LRRK1: variants seen among roughly 807,000 people sequenced by gnomAD.
LRRK1 encodes leucine rich repeat kinase 1, also known as leucine-rich repeat serine/threonine-protein kinase 1.
In LRRK1, 113 loss-of-function variants were observed where a neutral mutation model predicts 209.1. The observed-to-expected ratio is 0.54, with a 90% CI of 0.46 to 0.63. LRRK1 has a LOEUF of 0.63. LRRK1 is among the 30% of genes least tolerant of loss of function. The probability of loss-of-function intolerance (pLI) is 0.00; values close to 1 mark genes in which losing one functional copy is unlikely to be tolerated. For missense variants in LRRK1, 2,284 were observed against 2,632.2 expected (o/e 0.87, Z 2.89); for synonymous variants, 1,144 against 1,099.7 (o/e 1.04, Z -0.80).
In LRRK1 at chr15:101,076,532, A is replaced by C. The variant is rs148589254; in HGVS notation, c.*7684A>C. ...TGATCACACTTGGTTTATGGATGGCAGTTCCACCAGGCCTAATGGCCACAC... is the reference window on the plus strand; with the variant it reads ...TGATCACACTTGGTTTATGGATGGCCGTTCCACCAGGCCTAATGGCCACAC... On this transcript the variant is annotated 3_prime_UTR_variant, in exon 34 of 34. Transcript: ENST00000388948. 1 of 152,226 alleles carries C rather than the reference A, an allele frequency of 6.6e-6. No individual in the cohort carries two copies. The highest frequency in any genetic ancestry group is 1.5e-5 in the Non-Finnish European group (1 of 68,158). The allele number at this position is 152,226 out of a possible 1,614,324, so 9.4% of individuals were successfully genotyped here.
intron 4 of LRRK1, among the ~76,000 whole-genome samples, chr15:100,988,242 A>G (rs2031974342): frequency 1.3e-5 from 2 of 151,870 alleles, no homozygotes; most frequent in Non-Finnish European, 1.5e-5. Flanking sequence ...TTATTTCGTC[A>G]CCTGGGTAAT....
In LRRK1 at chr15:101,070,295, G is replaced by T; in HGVS notation, c.*1447G>T. The T allele has an allele frequency of 6.8e-6, 1 of 147,474 alleles. No individual in the cohort carries two copies. The allele number at this position is 147,474 out of a possible 1,614,324, so 9.1% of individuals were successfully genotyped here. A position where few individuals can be genotyped will look rare whatever the true frequency, so the allele number is the denominator to read the frequency against. ...TGTCAGTCACAGGCTTGGAAAAAGC[G>T]AGTCCCCCCACTCTTTTTTTTTTTT... On this transcript the variant is annotated 3_prime_UTR_variant, in exon 34 of 34. Transcript: ENST00000388948.
At chr15:101,055,951 TG>T (rs1349455800) in intron 27 of LRRK1, among the ~76,000 whole-genome samples, 1 of 152,242 alleles carries the variant, frequency 6.6e-6, no homozygotes, top group African/African-American at 2.4e-5. Context: ...CCTGTAGGAA[TG>T]ACCTGTGCAT....
chr15:100,924,810 C>G, intron 2 of LRRK1, 81 bp downstream of exon 2: 1 of 1,001,718 alleles, frequency 1.0e-6, no homozygotes, highest in Non-Finnish European at 1.6e-6. Flanking sequence ...TATGTAAGAA[C>G]AAGGAGTTCT....
chr15:101,063,172 T>A (rs1259128473), intron 31 of LRRK1, among the ~76,000 whole-genome samples: 1 of 152,200 alleles, frequency 6.6e-6, no homozygotes, highest in Non-Finnish European at 1.5e-5. Flanking sequence ...AGCATAGCCC[T>A]GCAGACTCAG....
In LRRK1 at chr15:100,936,338, T is replaced by A. The variant is rs185410683; in HGVS notation, c.97+11609T>A. Among the ~76,000 whole-genome samples the A allele has an allele frequency of 2.2e-4, 34 of 152,256 alleles. No individual in the cohort carries two copies. In the East Asian group the frequency reaches 6.0e-3, roughly 27 times the overall value. On this transcript the variant is annotated intron_variant, in intron 2 of 33. Transcript: ENST00000388948. ...TTAGTCTGAACCCTTTATGGCTGTA[T>A]GTGTGTGTGTGTCTGTAAATACATG...
chr15:101,014,171 C>T, intron 10 of LRRK1, 145 bp from the exon 11 acceptor site: 1 of 644,236 alleles, frequency 1.6e-6, no homozygotes, highest in South Asian at 2.0e-5. Context: ...GCTGCTGGGC[C>T]CCACACAGCT....
chr15:101,062,506 G>A, intron 30 of LRRK1, 68 bp from the exon 31 acceptor site: 7 of 1,110,114 alleles, frequency 6.3e-6, no homozygotes, highest in Middle Eastern at 2.0e-4. Context: ...CATCCTCATG[G>A]GAATGGCTTG....
chr15:100,938,921 A>G (rs1334869779), intron 2 of LRRK1, among the ~76,000 whole-genome samples: 4 of 151,594 alleles, frequency 2.6e-5, no homozygotes, highest in African/African-American at 4.8e-5. Context: ...GAGAAACCCC[A>G]TCTCTACTAA....
At chr15:101,029,349 G>A (rs2034182682) in intron 20 of LRRK1, 117 bp downstream of exon 20, 2 of 1,073,098 alleles carry the variant, frequency 1.9e-6, no homozygotes, top group African/African-American at 1.6e-5. Flanking sequence ...TGCCACTGCT[G>A]CCCCCTACGG....
intron 2 of LRRK1, among the ~76,000 whole-genome samples, chr15:100,970,638 A>C (rs2030803527): frequency 6.6e-6 from 1 of 152,206 alleles, no homozygotes. Flanking sequence ...CTTCTTTTTC[A>C]AGATTGCTTT....
intron 2 of LRRK1, among the ~76,000 whole-genome samples, chr15:100,961,599 G>A (rs1351248817): frequency 3.3e-5 from 5 of 150,400 alleles, no homozygotes; most frequent in Non-Finnish European, 2.9e-5. Flanking sequence ...GTTGCAGTTA[G>A]CCGAGATCGC....
chr15:100,957,627 G>C (rs933394507), intron 2 of LRRK1, among the ~76,000 whole-genome samples: 2 of 152,030 alleles, frequency 1.3e-5, no homozygotes, highest in African/African-American at 2.4e-5. Context: ...TAGCTCTTTT[G>C]GTTTCATTTG....
At chr15:101,002,456 GA>G (rs2032738980) in intron 6 of LRRK1, among the ~76,000 whole-genome samples, 5 of 152,240 alleles carry the variant, frequency 3.3e-5, no homozygotes, top group Admixed American at 2.6e-4. Flanking sequence ...GCTCATGCTT[GA>G]AAAACCAACA....
In LRRK1 at chr15:100,988,783, C is replaced by T. The variant is rs201889926; in HGVS notation, c.583C>T (p.Arg195Cys). Residue 195 changes from arginine (R) to cysteine (C), a missense_variant, in exon 5 of 34, where the codon CGC (arginine) becomes TGC (cysteine). Transcript: ENST00000388948. The part of the protein sequence containing the change: ...VRKNEFPVIV[R>C]LPLYAAIKSG... The stretch of plus-strand genomic sequence containing the variant: ...GAAGAATGAGTTCCCTGTCATCGTG[C>T]GCTTGCCCCTGTATGCGGCCATCAA... The T allele has an allele frequency of 4.2e-5, 67 of 1,609,518 alleles. No individual in the cohort carries two copies. Among genetic ancestry groups the T allele is most frequent in the Middle Eastern group, 1.7e-4 (1 of 6,046 alleles).
intron 29 of LRRK1, among the ~76,000 whole-genome samples, chr15:101,059,063 G>A (rs2035997796): frequency 6.6e-6 from 1 of 152,156 alleles, no homozygotes; most frequent in African/African-American, 2.4e-5. Flanking sequence ...TGAGGGTTGT[G>A]ACACAGACGT....
In LRRK1 at chr15:101,068,672, G is replaced by A. The variant is rs773797200; in HGVS notation, c.5872G>A (p.Val1958Met). Residue 1958 changes from valine (V) to methionine (M), a missense_variant and splice_region_variant, in exon 34 of 34, where the codon GTG becomes ATG. Physicochemically the swap from Val to Met is conservative, Grantham distance 21 (BLOSUM62 1). Coordinates refer to ENST00000388948, the MANE Select transcript of LRRK1 (RefSeq NM_024652.6). ...CCTCAGACCCCCTTCTCTCTGCAGG[G>A]TGCTGGTGGATGCTGCCGTGGTGGC... ...LKARELTPHG[V>M]LVDAAVVAKD... 1 of 1,593,166 alleles carries A rather than the reference G, an allele frequency of 6.3e-7. No individual in the cohort carries two copies. Among genetic ancestry groups the A allele is most frequent in the Non-Finnish European group, 8.6e-7 (1 of 1,167,610 alleles).
At chr15:100,968,719 CTCCCT>C (rs796831694) in intron 2 of LRRK1, among the ~76,000 whole-genome samples, 32 of 16,144 alleles carry the variant, frequency 2.0e-3, no homozygotes, top group African/African-American at 3.6e-3. Context: ...TCCTTCCTTC[CTCCCT>C]TCCCTTCCCT....
Position 101,024,664 on chromosome 15 carries a change from T to C in LRRK1, c.2068-139T>C. On this transcript the variant is annotated intron_variant, in intron 15 of 33. Coordinates refer to ENST00000388948, the MANE Select transcript of LRRK1 (RefSeq NM_024652.6). This position sits in a 1 kb window ranked among gnomAD's most constrained non-coding sequence, Gnocchi z 4.6. ...CAGATAACTGTTTCCTAAGAAACAA[T>C]AGAGTGTCCAGAACTTTTCCACGGT... The C allele has an allele frequency of 2.2e-6, 2 of 896,314 alleles. No individual in the cohort carries two copies. Among genetic ancestry groups the C allele is most frequent in the Non-Finnish European group, 1.7e-6 (1 of 584,576 alleles). 55.5% of individuals were successfully genotyped at this position (896,314 alleles called of 1,614,324 possible). A position where few individuals can be genotyped will look rare whatever the true frequency, so the allele number is the denominator to read the frequency against.
Sources: gnomAD v4.1 joint callset for allele counts (sites outside exome capture counted in the v4.1 genomes callset) on GRCh38, gnomAD v4.1.1 for gene constraint, Gnocchi (gnomAD v3.1) non-coding constraint, MANE v1.5 for transcripts, NCBI Gene and HGNC (gene_info 2026-07-23, HGNC 2026-07-21) for gene names.